The following TENM2 variants were observed in gnomAD, a reference collection of about 807,000 sequenced individuals.
The protein encoded by TENM2 is teneurin transmembrane protein 2.
In TENM2, 52 loss-of-function variants were observed where a neutral mutation model predicts 245.2. The observed-to-expected ratio is 0.21, with a 90% confidence interval of 0.17 to 0.27. TENM2 has a LOEUF of 0.27. Among genes scored for constraint, TENM2 ranks in the 10% least tolerant of loss-of-function variants. The pLI is 1.00. For synonymous variants in TENM2, 1,363 were observed against 1,438.9 expected, an observed-to-expected ratio of 0.95 and a Z score of 1.19; for missense variants, 3,046 against 3,666.8, an observed-to-expected ratio of 0.83 and a Z score of 4.37.
At chr5:167,858,636 G>T (rs1217254051) in intron 2 of TENM2, among the ~76,000 whole-genome samples, 1 of 151,658 alleles carries the variant, frequency 6.6e-6, no homozygotes, top group Admixed American at 6.6e-5. Flanking sequence ...GCTGCGCTGC[G>T]GCCCGGGGCA....
intron 2 of TENM2, chr5:167,728,954 G>A (rs543362538): frequency 6.6e-6 from 1 of 152,346 alleles, no homozygotes; most frequent in East Asian, 1.9e-4. Flanking sequence ...TCCTACGAAG[G>A]CAAACACTTG....
intron 7 of TENM2, among the ~76,000 whole-genome samples, chr5:168,082,259 C>T (rs925517373): frequency 2.0e-5 from 3 of 152,190 alleles, no homozygotes; most frequent in Non-Finnish European, 4.4e-5. Flanking sequence ...ACGTAGTTCT[C>T]GTGCCATGGT....
the TENM2 span, among the ~76,000 whole-genome samples, chr5:167,147,342 C>T: frequency 6.6e-6 from 1 of 152,262 alleles, no homozygotes. Flanking sequence ...TTTTTCCAAA[C>T]TGCTTTGTGC....
At chr5:167,525,287 G>T (rs969005315) in intron 2 of TENM2, among the ~76,000 whole-genome samples, 2 of 152,146 alleles carry the variant, frequency 1.3e-5, no homozygotes, top group Non-Finnish European at 2.9e-5. Flanking sequence ...ACACTGTGAT[G>T]ACGTATTTTA....
chr5:167,185,842 C>A, the TENM2 span, among the ~76,000 whole-genome samples: 3 of 152,104 alleles, frequency 2.0e-5, no homozygotes, highest in Admixed American at 1.3e-4. Context: ...AAGCCTGTCT[C>A]ACTTCAGATT....
the TENM2 span, among the ~76,000 whole-genome samples, chr5:167,138,743 CT>C: frequency 6.6e-6 from 1 of 152,180 alleles, no homozygotes; most frequent in Non-Finnish European, 1.5e-5. Context: ...TTGCCTCAGC[CT>C]CCCAAGTAGC....
At chr5:167,683,447 C>A (rs1481811041) in intron 2 of TENM2, among the ~76,000 whole-genome samples, 1 of 152,108 alleles carries the variant, frequency 6.6e-6, no homozygotes, top group Admixed American at 6.6e-5. Flanking sequence ...GAATAATGTC[C>A]ACTGCGCTTA....
chr5:167,388,741 C>T (rs1179423820), intron 2 of TENM2, among the ~76,000 whole-genome samples: 1 of 151,912 alleles, frequency 6.6e-6, no homozygotes, highest in Non-Finnish European at 1.5e-5. Flanking sequence ...CTTTCCATCG[C>T]GATTTCATTT....
intron 2 of TENM2, among the ~76,000 whole-genome samples, chr5:167,477,074 C>T (rs148012952): frequency 2.4e-4 from 36 of 152,216 alleles, no homozygotes; most frequent in Middle Eastern, 3.4e-3. Flanking sequence ...AATACTTTTC[C>T]TCAAGGCAAC....
intron 13 of TENM2, among the ~76,000 whole-genome samples, chr5:168,182,825 C>CTTTTTTTT (rs149579948): frequency 9.9e-6 from 1 of 100,682 alleles, no homozygotes; most frequent in Non-Finnish European, 1.9e-5. Context: ...TCAGGGTGCT[C>CTTTTTTTT]TTTTTTTTTT....
chr5:167,018,210 A>C, the TENM2 span, among the ~76,000 whole-genome samples: 1 of 152,224 alleles, frequency 6.6e-6, no homozygotes, highest in African/African-American at 2.4e-5. Flanking sequence ...AAAATGATAT[A>C]TCACAATTCT....
At chr5:168,108,633 G>A (rs1047854142) in intron 9 of TENM2, among the ~76,000 whole-genome samples, 18 of 152,244 alleles carry the variant, frequency 1.2e-4, no homozygotes, top group African/African-American at 4.3e-4. Flanking sequence ...CTTCCCCAAG[G>A]TTACATAGCA....
the TENM2 span, among the ~76,000 whole-genome samples, chr5:167,065,550 G>A: frequency 6.6e-6 from 1 of 152,076 alleles, no homozygotes; most frequent in Non-Finnish European, 1.5e-5. Context: ...GTGAGTGAGG[G>A]ACAGAAATAT....
chr5:167,261,467 A>G, the TENM2 span, among the ~76,000 whole-genome samples: 19 of 152,120 alleles, frequency 1.2e-4, no homozygotes, highest in African/African-American at 4.6e-4. Flanking sequence ...CCCTCAATAA[A>G]TGGTAGATTC....
chr5:168,226,958 A>G (rs987651374), intron 24 of TENM2, among the ~76,000 whole-genome samples: 2 of 152,236 alleles, frequency 1.3e-5, no homozygotes, highest in African/African-American at 2.4e-5. Context: ...TTTCTGGACT[A>G]TTATCCCACA....
intron 25 of TENM2, among the ~76,000 whole-genome samples, chr5:168,237,249 C>T (rs144776547): frequency 0.031 from 4,713 of 150,268 alleles, 252 homozygotes; most frequent in African/African-American, 0.11. Flanking sequence ...AACTCCTAAC[C>T]TCAAGCGATC....
At chr5:167,836,868 C>G (rs970712922) in intron 2 of TENM2, among the ~76,000 whole-genome samples, 1 of 152,144 alleles carries the variant, frequency 6.6e-6, no homozygotes, top group African/African-American at 2.4e-5. Flanking sequence ...GGTTCTTTGA[C>G]TACTTTGCAT....
At chr5:168,030,530 T>C (rs1436438837) in intron 5 of TENM2, among the ~76,000 whole-genome samples, 4 of 152,124 alleles carry the variant, frequency 2.6e-5, no homozygotes, top group South Asian at 4.1e-4. Context: ...GTAATTTCCA[T>C]TTCTAATAAG....
Position 168,036,707 on chromosome 5 carries a change from G to GTATATATATATGTATGTGTA in TENM2, c.1187-10711_1187-10710insATGTATGTGTATATATATAT, listed in dbSNP as rs202165206. Among the ~76,000 whole-genome samples, 71 of 114,156 alleles carry GTATATATATATGTATGTGTA rather than the reference G, an allele frequency of 6.2e-4. 2 individuals carry two copies. The highest frequency in any genetic ancestry group is 2.5e-3 in the African/African-American group (65 of 25,652). The allele number at this position is 114,156 out of a possible 152,430, so 74.9% of individuals were successfully genotyped here. A position where few individuals can be genotyped will look rare whatever the true frequency, so the allele number is the denominator to read the frequency against. ...TATATATATATATATATATGTATGT[G>GTATATATATATGTATGTGTA]TATATATATGTATGTGTATATATAT... On this transcript the variant is annotated intron_variant, in intron 5 of 28. Transcript: ENST00000518659.
Sources: allele counts gnomAD v4.1 joint callset (sites outside exome capture counted in the v4.1 genomes callset), GRCh38; gene constraint gnomAD v4.1.1; transcripts MANE v1.5; gene names NCBI Gene and HGNC (gene_info 2026-07-23, HGNC 2026-07-21).